EHD3: variants seen among roughly 807,000 people sequenced by gnomAD.
The protein encoded by EHD3 is EH domain containing 3, also known as EH domain-containing protein 3.
Under a neutral mutation model 43.0 loss-of-function variants are expected in EHD3, and 17 were observed. The ratio of observed to expected loss-of-function variants is 0.40; its 90% CI spans 0.27 to 0.59. The LOEUF is 0.59. EHD3 is among the 20% of genes least tolerant of loss of function. The pLI, the probability that EHD3 is intolerant of heterozygous loss-of-function variation, is 0.49. For missense variants in EHD3, 594 were observed against 705.6 expected, an observed-to-expected ratio of 0.84 and a Z score of 1.79; for synonymous variants, 313 against 289.5, an observed-to-expected ratio of 1.08 and a Z score of -0.82.
chr2:31,265,340 C>T (rs1270660573), intron 5 of EHD3, among the ~76,000 whole-genome samples: 4 of 152,152 alleles, frequency 2.6e-5, no homozygotes, highest in African/African-American at 7.2e-5. Context: ...ACTGGCAGCA[C>T]AGTAGGTTTG....
intron 1 of EHD3, among the ~76,000 whole-genome samples, chr2:31,242,087 C>T (rs576070939): frequency 4.1e-4 from 60 of 146,152 alleles, no homozygotes; most frequent in Non-Finnish European, 7.0e-4. Context: ...TGCCGAGGCT[C>T]CTCCTTGGGG....
rs1482359970 is a variant in EHD3, at chr2:31,234,649, C to T, written c.28C>T (p.Arg10Cys). The T allele has an allele frequency of 1.2e-6, 2 of 1,613,930 alleles. No homozygotes were observed. The highest frequency in any genetic ancestry group is 2.7e-5 in the African/African-American group (2 of 74,928). ...GTTCAGCTGGCTGGGTACGGACGAC[C>T]GCCGGAGGAAGGACCCCGAGGTTTT... MFSWLGTDD[R>C]RRKDPEVFQT... Residue 10 changes from arginine (R) to cysteine (C), a missense_variant, in exon 1 of 6, where the codon CGC (arginine) becomes TGC (cysteine). By Grantham distance (180) the Arg-to-Cys change is radical. Around this residue, in one of 3 missense-constraint regions of EHD3, gnomAD observed 243 missense variants for 296.7 expected, o/e 0.82. Coordinates refer to ENST00000322054, the MANE Select transcript of EHD3 (RefSeq NM_014600.3).
intron 3 of EHD3, 58 bp downstream of exon 3, chr2:31,249,526 T>C: frequency 2.0e-6 from 3 of 1,510,230 alleles, no homozygotes; most frequent in Middle Eastern, 1.7e-4. Context: ...GCACGTTCAG[T>C]CTCTTACATA....
At chr2:31,254,224 A>G (rs764637513) in intron 3 of EHD3, among the ~76,000 whole-genome samples, 22 of 152,264 alleles carry the variant, frequency 1.4e-4, no homozygotes, top group Non-Finnish European at 3.2e-4. Context: ...CACAGGGGGT[A>G]GGAATGAGGG....
At chr2:31,255,969 A>G (rs890028128) in intron 3 of EHD3, among the ~76,000 whole-genome samples, 2 of 152,118 alleles carry the variant, frequency 1.3e-5, no homozygotes, top group Non-Finnish European at 2.9e-5. Flanking sequence ...ATCTCCATCC[A>G]TCCTGTTGTA....
intron 1 of EHD3, among the ~76,000 whole-genome samples, chr2:31,243,080 C>G (rs1237537382): frequency 6.6e-6 from 1 of 152,128 alleles, no homozygotes; most frequent in Non-Finnish European, 1.5e-5. Context: ...AGCTCAAGAC[C>G]AGATTGGCCA....
chr2:31,252,575 A>C (rs1683658708), intron 3 of EHD3, among the ~76,000 whole-genome samples: 1 of 152,184 alleles, frequency 6.6e-6, no homozygotes, highest in South Asian at 2.1e-4. Context: ...CCTGAGTTCA[A>C]GCGATTCTCC....
chr2:31,242,684 T>C (rs1019725932), intron 1 of EHD3, among the ~76,000 whole-genome samples: 1 of 152,158 alleles, frequency 6.6e-6, no homozygotes, highest in African/African-American at 2.4e-5. Flanking sequence ...TGGCTGGGTA[T>C]GGTGGCTCAT....
chr2:31,250,539 T>C (rs907111574), intron 3 of EHD3, among the ~76,000 whole-genome samples: 8 of 152,310 alleles, frequency 5.3e-5, no homozygotes, highest in African/African-American at 1.7e-4. Context: ...GTGTTGGGGA[T>C]TACAGGCGGG....
chr2:31,240,163 T>C (rs1287384014), intron 1 of EHD3, among the ~76,000 whole-genome samples: 2 of 152,172 alleles, frequency 1.3e-5, no homozygotes, highest in Non-Finnish European at 2.9e-5. Flanking sequence ...CTTGTGTCTG[T>C]GGGATGCGTT....
chr2:31,239,803 A>AC (rs1230599214), intron 1 of EHD3, among the ~76,000 whole-genome samples: 3 of 151,610 alleles, frequency 2.0e-5, no homozygotes, highest in Admixed American at 2.0e-4. Context: ...TGCTCCAGGC[A>AC]CCGCGCATGG....
intron 5 of EHD3, among the ~76,000 whole-genome samples, chr2:31,265,218 A>G (rs1444593629): frequency 6.6e-6 from 1 of 152,246 alleles, no homozygotes; most frequent in East Asian, 1.9e-4. Context: ...ACACCCTAAA[A>G]TAACAATAAA....
At chr2:31,235,995 T>C (rs1572459639) in intron 1 of EHD3, among the ~76,000 whole-genome samples, 2 of 152,248 alleles carry the variant, frequency 1.3e-5, no homozygotes, top group Non-Finnish European at 2.9e-5. Flanking sequence ...GCAGAGGGTT[T>C]GGAAAGCAGG....
intron 2 of EHD3, among the ~76,000 whole-genome samples, chr2:31,246,909 T>G (rs1038194906): frequency 6.6e-5 from 10 of 152,124 alleles, no homozygotes; most frequent in African/African-American, 2.4e-4. Flanking sequence ...CCTTTTTTTT[T>G]TTTTTGAGAC....
chr2:31,246,687 C>T (rs1408594386), intron 2 of EHD3, among the ~76,000 whole-genome samples: 1 of 152,114 alleles, frequency 6.6e-6, no homozygotes, highest in Non-Finnish European at 1.5e-5. Context: ...CAGCAAGTCT[C>T]ATTAACTCCA....
chr2:31,253,246 CCACACACACACA>C (rs34392955), intron 3 of EHD3, among the ~76,000 whole-genome samples: 5 of 142,106 alleles, frequency 3.5e-5, no homozygotes, highest in Admixed American at 7.1e-5. Context: ...CAACCCCCTC[CCACACACACACA>C]CACACACACA....
intron 2 of EHD3, among the ~76,000 whole-genome samples, chr2:31,245,545 ATATATATATTTTT>A (rs1388301164): frequency 6.7e-5 from 4 of 59,926 alleles, no homozygotes; most frequent in Admixed American, 2.3e-4. Flanking sequence ...ATATATATAT[ATATATATATTTTT>A]TTTTTTTTTT....
At position 31,234,813 on chromosome 2, in the gene EHD3, G is replaced by A. The variant is rs1180285243; in HGVS notation, c.192G>A (p.Val64=). The change falls in exon 1 of 6, where the codon GTG becomes GTA. Residue 64 remains valine (V), a synonymous_variant. Coordinates refer to ENST00000322054, the MANE Select transcript of EHD3 (RefSeq NM_014600.3). ...DFDNKPMVLL[V]GQYSTGKTTF... is the part of the protein sequence containing the mutation. Reference sequence around the variant, plus strand: ...ACAACAAGCCCATGGTTCTGCTGGTGGGCCAGTACTCCACTGGGAAGACCA... The same window carrying A: ...ACAACAAGCCCATGGTTCTGCTGGTAGGCCAGTACTCCACTGGGAAGACCA... The A allele has an allele frequency of 6.2e-7, 1 of 1,614,128 alleles. No homozygotes were observed. Among genetic ancestry groups the A allele is most frequent in the East Asian group, 2.2e-5 (1 of 44,860 alleles).
At chr2:31,249,593 T>G in intron 3 of EHD3, 125 bp downstream of exon 3, 2 of 837,634 alleles carry the variant, frequency 2.4e-6, no homozygotes, top group Non-Finnish European at 3.8e-6. Context: ...ACTTCTCCTG[T>G]GCTGTGTGGG....
Sources: gnomAD v4.1 joint callset for allele counts (sites outside exome capture counted in the v4.1 genomes callset) on GRCh38, gnomAD v4.1.1 for gene constraint, gnomAD v4.1.1 regional missense constraint, MANE v1.5 for transcripts, NCBI Gene and HGNC (gene_info 2026-07-23, HGNC 2026-07-21) for gene names.